The following MAP3K13 variants were observed in gnomAD, a reference collection of about 807,000 sequenced individuals.
MAP3K13 encodes the protein mitogen-activated protein kinase kinase kinase 13.
MAP3K13 carries 52 observed loss-of-function variants against 104.0 expected under a neutral mutation model. The observed-to-expected ratio is 0.50, with a 90% confidence interval of 0.40 to 0.63. MAP3K13 has a LOEUF of 0.63. Ranked by LOEUF, MAP3K13 falls within the 20% of genes least tolerant of loss-of-function variation. The pLI, the probability that MAP3K13 is intolerant of heterozygous loss-of-function variation, is 0.00. For synonymous variants in MAP3K13, 394 were observed against 442.2 expected, an observed-to-expected ratio of 0.89 and a Z score of 1.37; for missense variants, 914 against 1,218.5, an observed-to-expected ratio of 0.75 and a Z score of 3.72.
rs189253787 is a variant in MAP3K13 at position 185,344,406 on chromosome 3, T to G, written c.-86+58763T>G. Among the ~76,000 whole-genome samples the G allele has an allele frequency of 2.9e-3, 447 of 152,268 alleles. 3 individuals carry two copies. Among genetic ancestry groups the G allele is most frequent in the African/African-American group, 9.6e-3 (401 of 41,562 alleles). ...ACAAAAGAATCTGTTACATAATAGG[T>G]GCTCAGTTAATTATCTTACCCCTCT... is the stretch of plus-strand genomic sequence containing the variant. On this transcript the variant is annotated intron_variant, in intron 2 of 14. Transcript: ENST00000424227.
At chr3:185,385,065 A>G (rs1711606140) in intron 1 of MAP3K13, among the ~76,000 whole-genome samples, 1 of 152,068 alleles carries the variant, frequency 6.6e-6, no homozygotes, top group Non-Finnish European at 1.5e-5. Flanking sequence ...TAGTAGTTTT[A>G]TAGTTTCAGG....
intron 2 of MAP3K13, among the ~76,000 whole-genome samples, chr3:185,344,559 A>T (rs1722844092): frequency 6.6e-6 from 1 of 152,176 alleles, no homozygotes; most frequent in South Asian, 2.1e-4. Flanking sequence ...GCCCCATCCA[A>T]CTTGGAAATA....
At position 185,428,686 on chromosome 3, in the gene MAP3K13, G is replaced by A. The variant is rs867106958; in HGVS notation, c.105G>A (p.Gly35=). The A allele has an allele frequency of 6.2e-7, 1 of 1,614,116 alleles. No homozygotes were observed. The highest frequency in any genetic ancestry group is 2.2e-5 in the East Asian group (1 of 44,880). The change falls in exon 2 of 14, where the codon GGG becomes GGA. Residue 35 remains glycine (G), a synonymous_variant. Coordinates refer to ENST00000265026, the MANE Select transcript of MAP3K13 (RefSeq NM_004721.5). ...TACAAGATGAGCTCACAGCTATGGG[G>A]AACCACCCTTCTCCCAAGCTGCTCG... The part of the protein sequence containing the change: ...NGLQDELTAM[G]NHPSPKLLED...
rs1715679671 is a variant in MAP3K13 at position 185,447,873 on chromosome 3, A to G, written c.936A>G (p.Ser312=). The G allele has an allele frequency of 6.2e-7, 1 of 1,613,978 alleles. No homozygotes were observed. The highest frequency in any genetic ancestry group is 1.3e-5 in the African/African-American group (1 of 74,900). Residue 312 remains serine, a synonymous_variant, in exon 5 of 14, where the codon TCA becomes TCG. Coordinates refer to ENST00000265026, the MANE Select transcript of MAP3K13 (RefSeq NM_004721.5). ...TCAGTGACAAAAGTACCAAGATGTC[A>G]TTTGCTGGCACGGTCGCATGGATGG... The part of the protein sequence containing the change: ...KELSDKSTKM[S]FAGTVAWMAP...
At chr3:185,290,323 A>G (rs1720687096) in intron 2 of MAP3K13, among the ~76,000 whole-genome samples, 1 of 152,194 alleles carries the variant, frequency 6.6e-6, no homozygotes, top group Admixed American at 6.5e-5. Flanking sequence ...AAGTTGTCAG[A>G]ATCCTTTATC....
intron 2 of MAP3K13, among the ~76,000 whole-genome samples, chr3:185,307,165 T>G (rs1238572485): frequency 6.6e-6 from 1 of 152,182 alleles, no homozygotes; most frequent in Non-Finnish European, 1.5e-5. Flanking sequence ...TGTGGGCCTC[T>G]TTGGATTCAT....
chr3:185,452,996 C>T (rs935945407), intron 7 of MAP3K13, among the ~76,000 whole-genome samples: 2 of 151,936 alleles, frequency 1.3e-5, no homozygotes, highest in Non-Finnish European at 2.9e-5. Context: ...ATCATAAGGG[C>T]GCAGATCTGG....
intron 1 of MAP3K13, among the ~76,000 whole-genome samples, chr3:185,404,360 C>G (rs1385343437): frequency 2.0e-5 from 3 of 152,218 alleles, no homozygotes; most frequent in African/African-American, 7.2e-5. Flanking sequence ...GTGGTCCCCA[C>G]TGCCAGTGAA....
intron 1 of MAP3K13, among the ~76,000 whole-genome samples, chr3:185,392,741 T>C (rs1712140773): frequency 6.6e-6 from 1 of 152,000 alleles, no homozygotes; most frequent in Non-Finnish European, 1.5e-5. Flanking sequence ...ACGGTACAAT[T>C]AGTGAGAATT....
chr3:185,454,634 TATGA>T (rs1405132026), intron 7 of MAP3K13, among the ~76,000 whole-genome samples: 3 of 25,602 alleles, frequency 1.2e-4, no homozygotes, highest in South Asian at 1.6e-3. Flanking sequence ...GAGATATATA[TATGA>T]GATATATATA....
chr3:185,454,533 G>C (rs1716185231), intron 7 of MAP3K13, among the ~76,000 whole-genome samples: 1 of 35,308 alleles, frequency 2.8e-5, no homozygotes, highest in Non-Finnish European at 7.1e-5. Flanking sequence ...CCATATATAT[G>C]AGATATATAT....
chr3:185,417,129 T>G (rs947561471), intron 1 of MAP3K13, among the ~76,000 whole-genome samples: 1 of 152,168 alleles, frequency 6.6e-6, no homozygotes, highest in Non-Finnish European at 1.5e-5. Context: ...GAATGCTTAC[T>G]GTATACTTAG....
intron 1 of MAP3K13, among the ~76,000 whole-genome samples, chr3:185,369,990 A>C (rs1250985673): frequency 6.6e-6 from 1 of 152,180 alleles, no homozygotes; most frequent in Non-Finnish European, 1.5e-5. Flanking sequence ...TTACCCACTT[A>C]GCTTTTTAAA....
intron 2 of MAP3K13, among the ~76,000 whole-genome samples, chr3:185,356,452 T>C (rs553186985): frequency 6.6e-6 from 1 of 152,328 alleles, no homozygotes; most frequent in Non-Finnish European, 1.5e-5. Flanking sequence ...GCAGAGTAAC[T>C]GGCTTCAGAC....
chr3:185,304,561 A>G (rs1167791829), intron 2 of MAP3K13, among the ~76,000 whole-genome samples: 2 of 152,098 alleles, frequency 1.3e-5, no homozygotes, highest in African/African-American at 4.8e-5. Flanking sequence ...CCTTTATTAT[A>G]TAATGTCCTT....
At chr3:185,454,485 GAT>G (rs1250089103) in intron 7 of MAP3K13, among the ~76,000 whole-genome samples, 3 of 101,894 alleles carry the variant, frequency 2.9e-5, no homozygotes, top group African/African-American at 1.2e-4. Context: ...AGATATATAT[GAT>G]ATATATACAT....
chr3:185,302,248 C>CCAA (rs1421430625), intron 2 of MAP3K13, among the ~76,000 whole-genome samples: 1 of 118,992 alleles, frequency 8.4e-6, no homozygotes, highest in Non-Finnish European at 1.8e-5. Context: ...ACTAAAAATA[C>CCAA]AAAAAAAAAA....
At chr3:185,471,663 T>G (rs575273964) in intron 10 of MAP3K13, among the ~76,000 whole-genome samples, 36 of 152,022 alleles carry the variant, frequency 2.4e-4, no homozygotes, top group African/African-American at 8.4e-4. Flanking sequence ...TTTCACCATG[T>G]TGGCCAGGCT....
At chr3:185,357,211 G>A (rs1263845255) in intron 2 of MAP3K13, among the ~76,000 whole-genome samples, 4 of 151,684 alleles carry the variant, frequency 2.6e-5, no homozygotes, top group African/African-American at 9.7e-5. Context: ...TTGGGAGGCC[G>A]AGGCGGGCGG....
Sources: gnomAD v4.1 joint callset for allele counts (sites outside exome capture counted in the v4.1 genomes callset) on GRCh38, gnomAD v4.1.1 for gene constraint, MANE v1.5 for transcripts, NCBI Gene and HGNC (gene_info 2026-07-23, HGNC 2026-07-21) for gene names.